Variants in EMCN observed in about 807,000 individuals in gnomAD.
EMCN encodes the protein MUC-14.
In EMCN, 37 loss-of-function variants were observed where a neutral mutation model predicts 38.4. That is an observed-to-expected ratio of 0.96 (90% CI 0.74 to 1.27). EMCN has a LOEUF of 1.27. EMCN is among the 50% of genes most tolerant of loss of function. The pLI is 0.00. For synonymous variants in EMCN, 95 were observed against 100.8 expected (o/e 0.94, Z 0.35); for missense variants, 318 against 302.8 (o/e 1.05, Z -0.37).
intron 3 of EMCN, among the ~76,000 whole-genome samples, chr4:100,473,021 A>ATTT (rs34138082): frequency 8.0e-6 from 1 of 124,314 alleles, no homozygotes; most frequent in Non-Finnish European, 1.8e-5. Flanking sequence ...ATATATATAT[A>ATTT]TTTTTTTTTT....
intron 4 of EMCN, among the ~76,000 whole-genome samples, chr4:100,453,826 G>C (rs1727920699): frequency 6.6e-6 from 1 of 152,074 alleles, no homozygotes; most frequent in South Asian, 2.1e-4. Flanking sequence ...TATACACCAT[G>C]GAATACTATG....
chr4:100,414,684 CGTTT>C (rs1049657606), intron 10 of EMCN, among the ~76,000 whole-genome samples: 6 of 151,988 alleles, frequency 3.9e-5, no homozygotes, highest in African/African-American at 1.5e-4. Context: ...TGCCTTTTGC[CGTTT>C]GTTCTAGTTT....
At chr4:100,431,113 T>C (rs1727186209) in intron 5 of EMCN, among the ~76,000 whole-genome samples, 1 of 152,178 alleles carries the variant, frequency 6.6e-6, no homozygotes, top group Admixed American at 6.6e-5. Flanking sequence ...GCATCCTCTT[T>C]TCCAAAGGCC....
At chr4:100,500,196 A>T (rs1729312693) in intron 1 of EMCN, among the ~76,000 whole-genome samples, 1 of 152,164 alleles carries the variant, frequency 6.6e-6, no homozygotes, top group Non-Finnish European at 1.5e-5. Flanking sequence ...TTTTGAATTA[A>T]ATACATTCAG....
At chr4:100,466,341 C>G (rs1287748108) in intron 3 of EMCN, among the ~76,000 whole-genome samples, 1 of 152,168 alleles carries the variant, frequency 6.6e-6, no homozygotes, top group African/African-American at 2.4e-5. Context: ...TAGTAGATCT[C>G]TAACACAGAG....
chr4:100,515,835 A>AAAAC (rs372660405), intron 1 of EMCN, among the ~76,000 whole-genome samples: 10,255 of 152,020 alleles, frequency 0.067, 437 homozygotes, highest in Middle Eastern at 0.11. Flanking sequence ...CCAATCTGCA[A>AAAAC]AAACAAACAA....
At chr4:100,423,235 G>T in intron 6 of EMCN, 77 bp downstream of exon 6, 1 of 1,358,980 alleles carries the variant, frequency 7.4e-7, no homozygotes. Context: ...TCTGTTTTGT[G>T]AGTCAAGATT....
intron 4 of EMCN, among the ~76,000 whole-genome samples, chr4:100,464,733 A>G (rs1409960539): frequency 1.3e-5 from 2 of 152,044 alleles, no homozygotes; most frequent in Admixed American, 6.6e-5. Context: ...TTCATATTTT[A>G]TATTCCTTTT....
chr4:100,423,772 T>A (rs1009640400), intron 5 of EMCN, among the ~76,000 whole-genome samples: 1 of 152,136 alleles, frequency 6.6e-6, no homozygotes, highest in Non-Finnish European at 1.5e-5. Flanking sequence ...GTGATAGTGT[T>A]TTTTTTCTAT....
intron 1 of EMCN, among the ~76,000 whole-genome samples, chr4:100,491,706 T>C (rs1729086156): frequency 6.6e-6 from 1 of 152,210 alleles, no homozygotes; most frequent in Non-Finnish European, 1.5e-5. Flanking sequence ...TTGCAGTGCC[T>C]ATCCAGCAGC....
At chr4:100,498,811 A>G (rs960379295) in intron 1 of EMCN, among the ~76,000 whole-genome samples, 2 of 152,220 alleles carry the variant, frequency 1.3e-5, no homozygotes, top group African/African-American at 4.8e-5. Flanking sequence ...TAACACAGAT[A>G]ATTACAGAAT....
chr4:100,517,916 G>T lies in EMCN; in HGVS notation c.-2C>A. Reference sequence around the variant, plus strand: ...AATGGTCACTTGAAGCAGTTCCATGGTGCCCGTAGATGGTGTCAATATCTT... The same window carrying T: ...AATGGTCACTTGAAGCAGTTCCATGTTGCCCGTAGATGGTGTCAATATCTT... On this transcript the variant is annotated 5_prime_UTR_variant, in exon 1 of 12. Coordinates refer to ENST00000296420, the MANE Select transcript of EMCN (RefSeq NM_016242.4). The T allele has an allele frequency of 6.2e-7, 1 of 1,612,566 alleles. No individual in the cohort carries two copies. Among genetic ancestry groups the T allele is most frequent in the South Asian group, 1.1e-5 (1 of 91,042 alleles).
At chr4:100,408,819 G>T (rs1726468229) in intron 11 of EMCN, among the ~76,000 whole-genome samples, 1 of 152,188 alleles carries the variant, frequency 6.6e-6, no homozygotes, top group Admixed American at 6.5e-5. Context: ...GCTGGGGAAA[G>T]GTGGTTGCAT....
chr4:100,517,894 G>C lies in EMCN; in HGVS notation c.21C>G (p.Thr7=), dbSNP rs769540567. Residue 7 remains threonine, a synonymous_variant, in exon 1 of 12, where the codon ACC becomes ACG. Coordinates refer to ENST00000296420, the MANE Select transcript of EMCN (RefSeq NM_016242.4). ...AAATACTGGGCAGAAGAAAAAGAAT[G>C]GTCACTTGAAGCAGTTCCATGGTGC... is the stretch of plus-strand genomic sequence containing the variant. MELLQV[T]ILFLLPSICS... 13 of 1,612,658 alleles carry C rather than the reference G, an allele frequency of 8.1e-6. No homozygotes were observed. The African/African-American group carries it at 1.3e-4, about 17-fold the overall frequency.
intron 11 of EMCN, among the ~76,000 whole-genome samples, chr4:100,403,726 C>T (rs1726320151): frequency 6.6e-6 from 1 of 152,026 alleles, no homozygotes; most frequent in Non-Finnish European, 1.5e-5. Context: ...TACAACCTGG[C>T]CAGCATCTGT....
At chr4:100,447,485 T>C in intron 5 of EMCN, 48 bp downstream of exon 5, 1 of 1,371,018 alleles carries the variant, frequency 7.3e-7, no homozygotes. Flanking sequence ...ATTCTTGAGA[T>C]TTTACCCATG....
chr4:100,409,599 T>C (rs3775352), intron 11 of EMCN, among the ~76,000 whole-genome samples: 46,825 of 152,158 alleles, frequency 0.31, 10,202 homozygotes, highest in East Asian at 0.77. Flanking sequence ...AGGGCTCTGT[T>C]GCTTGGCTGG....
intron 1 of EMCN, among the ~76,000 whole-genome samples, chr4:100,482,405 A>G (rs952576242): frequency 5.3e-5 from 8 of 152,096 alleles, no homozygotes; most frequent in African/African-American, 1.9e-4. Context: ...GACAAACAAT[A>G]AATTGGAAAA....
chr4:100,493,241 G>T (rs56358101), intron 1 of EMCN, among the ~76,000 whole-genome samples: 1 of 152,004 alleles, frequency 6.6e-6, no homozygotes, highest in Non-Finnish European at 1.5e-5. Flanking sequence ...CTTATTCTCT[G>T]AATTTTGTCA....
Sources: gnomAD v4.1 joint callset for allele counts (sites outside exome capture counted in the v4.1 genomes callset) on GRCh38, gnomAD v4.1.1 for gene constraint, MANE v1.5 for transcripts, NCBI Gene and HGNC (gene_info 2026-07-23, HGNC 2026-07-21) for gene names.